AFF1: variants seen among roughly 807,000 people sequenced by gnomAD.
The protein encoded by AFF1 is ALF transcription elongation factor 1.
AFF1 carries 48 observed loss-of-function variants against 121.7 expected under a neutral mutation model. That is an observed-to-expected ratio of 0.39 (90% confidence interval 0.31 to 0.50). The LOEUF (loss-of-function observed/expected upper bound fraction) is 0.50. Ranked by LOEUF, AFF1 falls within the 20% of genes least tolerant of loss-of-function variation. The pLI, the probability that AFF1 is intolerant of heterozygous loss-of-function variation, is 0.76. For synonymous variants in AFF1, 613 were observed against 563.0 expected (o/e 1.09, Z -1.26); for missense variants, 1,523 against 1,511.7 (o/e 1.01, Z -0.12).
chr4:87,119,597 G>A (rs868054272), intron 12 of AFF1, among the ~76,000 whole-genome samples: 11 of 152,168 alleles, frequency 7.2e-5, no homozygotes, highest in Middle Eastern at 3.4e-3. Flanking sequence ...AACACGTAAC[G>A]TGCATAGAGC....
chr4:87,026,330 T>C (rs1195984928), intron 2 of AFF1, among the ~76,000 whole-genome samples: 1 of 152,198 alleles, frequency 6.6e-6, no homozygotes, highest in Non-Finnish European at 1.5e-5. Context: ...ACCCTTGACT[T>C]CAAGCGATCC....
intron 12 of AFF1, 56 bp downstream of exon 12, chr4:87,115,355 G>T (rs887993865): frequency 1.8e-5 from 26 of 1,455,702 alleles, no homozygotes; most frequent in Non-Finnish European, 2.4e-5. Flanking sequence ...CTGTTGGCCT[G>T]GCGGTATCTT....
At chr4:87,034,656 A>G (rs1394698923) in intron 2 of AFF1, among the ~76,000 whole-genome samples, 3 of 152,256 alleles carry the variant, frequency 2.0e-5, no homozygotes, top group African/African-American at 7.2e-5. Flanking sequence ...GGTAAACTGA[A>G]GAATAAAACA....
chr4:87,058,189 A>G (rs1190314389), intron 4 of AFF1, among the ~76,000 whole-genome samples: 1 of 152,192 alleles, frequency 6.6e-6, no homozygotes, highest in Admixed American at 6.5e-5. Context: ...AGTAAATGGC[A>G]GAGATGGAGA....
chr4:86,959,644 T>A (rs1377371372), intron 2 of AFF1, among the ~76,000 whole-genome samples: 1 of 152,126 alleles, frequency 6.6e-6, no homozygotes, highest in Non-Finnish European at 1.5e-5. Flanking sequence ...AGAGTTGCCC[T>A]AAGGGAGGGA....
chr4:87,099,833 G>A (rs981562876), intron 8 of AFF1, among the ~76,000 whole-genome samples: 2 of 152,206 alleles, frequency 1.3e-5, no homozygotes, highest in Admixed American at 6.5e-5. Context: ...CAGTGACAGG[G>A]TTGAGAGGAA....
At chr4:87,061,276 A>G (rs978014648) in intron 4 of AFF1, among the ~76,000 whole-genome samples, 2 of 152,218 alleles carry the variant, frequency 1.3e-5, no homozygotes, top group Non-Finnish European at 2.9e-5. Flanking sequence ...ACAGCAGTAA[A>G]GGGAAGAGGC....
chr4:86,998,098 C>CAAAAAAAAAAAAAAAAAAAAA (rs56741955), intron 2 of AFF1, among the ~76,000 whole-genome samples: 4 of 91,754 alleles, frequency 4.4e-5, no homozygotes, highest in Non-Finnish European at 6.2e-5. Context: ...AACTCCGTCT[C>CAAAAAAAAAAAAAAAAAAAAA]AAAAAAAAAA....
At chr4:87,119,742 G>A (rs1249394049) in intron 12 of AFF1, among the ~76,000 whole-genome samples, 2 of 152,154 alleles carry the variant, frequency 1.3e-5, no homozygotes, top group Non-Finnish European at 2.9e-5. Flanking sequence ...TGAATAAGGA[G>A]GTGCATTCAT....
At chr4:86,958,390 C>T (rs1352977848) in intron 2 of AFF1, among the ~76,000 whole-genome samples, 2 of 152,016 alleles carry the variant, frequency 1.3e-5, no homozygotes, top group Non-Finnish European at 2.9e-5. Flanking sequence ...CGTGCCCGGC[C>T]CCAAACTTTC....
At chr4:87,123,456 T>TA (rs1727918519) in intron 12 of AFF1, among the ~76,000 whole-genome samples, 1 of 152,182 alleles carries the variant, frequency 6.6e-6, no homozygotes. Flanking sequence ...CACTTGGCCT[T>TA]AATTTATTTC....
Position 86,985,181 on chromosome 4 carries a change from CTATATATATATATATATA to C in AFF1, c.38+36627_38+36644del, listed in dbSNP as rs55891819. ...AATATAATATATATAATATGTATTA[CTATATATATATATATATA>C]TATATATATATATATAAAATTATAT... On this transcript the variant is annotated intron_variant, in intron 2 of 20. Transcript: ENST00000395146. Among the ~76,000 whole-genome samples, 85 of 96,498 alleles carry C rather than the reference CTATATATATATATATATA, an allele frequency of 8.8e-4. 2 individuals are homozygous for C. Among genetic ancestry groups the C allele is most frequent in the African/African-American group, 1.3e-3 (25 of 19,852 alleles). The allele number at this position is 96,498 out of a possible 152,430, so 63.3% of individuals were successfully genotyped here.
intron 2 of AFF1, among the ~76,000 whole-genome samples, chr4:86,969,371 C>T (rs1033860410): frequency 6.6e-6 from 1 of 151,322 alleles, no homozygotes; most frequent in African/African-American, 2.4e-5. Flanking sequence ...CCCAGCTACT[C>T]AGGAGGCTGA....
intron 2 of AFF1, among the ~76,000 whole-genome samples, chr4:86,968,221 T>C (rs1406291526): frequency 6.6e-6 from 1 of 152,220 alleles, no homozygotes; most frequent in Non-Finnish European, 1.5e-5. Flanking sequence ...CCTTTTATTA[T>C]GGCATTTAAA....
chr4:86,964,081 G>A (rs1478941854), intron 2 of AFF1, among the ~76,000 whole-genome samples: 2 of 148,290 alleles, frequency 1.3e-5, no homozygotes, highest in Non-Finnish European at 3.0e-5. Flanking sequence ...GCCTCCCAAA[G>A]TGCTGGGATT....
chr4:86,959,491 CTTT>C (rs34054629), intron 2 of AFF1, among the ~76,000 whole-genome samples: 112 of 97,992 alleles, frequency 1.1e-3, no homozygotes, highest in African/African-American at 3.4e-3. Context: ...CCTTAATACT[CTTT>C]TTTTTTTTTT....
At position 87,047,522 on chromosome 4, in the gene AFF1, T is replaced by C. The variant is rs979178243; in HGVS notation, c.987T>C (p.Phe329=). ...PLPEDYRQQT[F]EKTDLKVPAK... is the part of the protein sequence containing the mutation. ...CGGAGGACTATCGACAGCAGACCTT[T>C]GAAAAAACAGACTTGAAAGTGCCTG... Residue 329 remains phenylalanine (F), a synonymous_variant, in exon 4 of 21, where the codon TTT becomes TTC. Coordinates refer to ENST00000395146, the MANE Select transcript of AFF1 (RefSeq NM_001166693.3). The C allele has an allele frequency of 1.2e-6, 2 of 1,614,166 alleles. No individual in the cohort carries two copies. Among genetic ancestry groups the C allele is most frequent in the Non-Finnish European group, 1.7e-6 (2 of 1,180,032 alleles).
At chr4:87,022,751 T>C (rs1186149347) in intron 2 of AFF1, among the ~76,000 whole-genome samples, 1 of 150,002 alleles carries the variant, frequency 6.7e-6, no homozygotes, top group Non-Finnish European at 1.5e-5. Flanking sequence ...TGTGTGTATA[T>C]ATATATAATA....
chr4:87,026,900 G>A (rs2149573958), intron 2 of AFF1, among the ~76,000 whole-genome samples: 1 of 152,206 alleles, frequency 6.6e-6, no homozygotes, highest in South Asian at 2.1e-4. Flanking sequence ...AAAGCTCAAG[G>A]CTTTCTGGCT....
Sources: allele counts gnomAD v4.1 joint callset (sites outside exome capture counted in the v4.1 genomes callset), GRCh38; gene constraint gnomAD v4.1.1; transcripts MANE v1.5; gene names NCBI Gene and HGNC (gene_info 2026-07-23, HGNC 2026-07-21).